Variants in CAST observed in about 807,000 individuals in gnomAD.
The protein encoded by CAST is calpastatin.
A neutral mutation model predicts 119.6 loss-of-function variants in CAST; 76 were observed. That is an observed-to-expected ratio of 0.64 (90% CI 0.53 to 0.77). The LOEUF (loss-of-function observed/expected upper bound fraction) is 0.77. CAST is among the 30% of genes least tolerant of loss of function. CAST has a pLI of 0.00. For synonymous variants in CAST, 319 were observed against 331.6 expected (o/e 0.96, Z 0.41); for missense variants, 953 against 946.5 (o/e 1.01, Z -0.09).
At chr5:96,504,544 TAAC>T in the CAST span, among the ~76,000 whole-genome samples, 1 of 151,304 alleles carries the variant, frequency 6.6e-6, no homozygotes, top group African/African-American at 2.4e-5. Context: ...TTTTTTAACC[TAAC>T]GTGTTTTTTT....
chr5:96,703,382 C>T (rs1228654493), intron 3 of CAST, among the ~76,000 whole-genome samples: 1 of 152,232 alleles, frequency 6.6e-6, no homozygotes, highest in African/African-American at 2.4e-5. Context: ...CGTGAGCTCA[C>T]TCTGACCTTT....
the CAST span, among the ~76,000 whole-genome samples, chr5:96,366,022 G>A: frequency 6.6e-6 from 1 of 152,196 alleles, no homozygotes; most frequent in African/African-American, 2.4e-5. Flanking sequence ...GGGCAGGCCT[G>A]TTGGTGACAA....
chr5:96,188,301 A>G, the CAST span, among the ~76,000 whole-genome samples: 1 of 152,126 alleles, frequency 6.6e-6, no homozygotes, highest in East Asian at 1.9e-4. Flanking sequence ...CCTGAGTTAA[A>G]ATCATTTTTA....
At chr5:96,282,717 G>T in the CAST span, among the ~76,000 whole-genome samples, 1 of 152,070 alleles carries the variant, frequency 6.6e-6, no homozygotes, top group Admixed American at 6.5e-5. Flanking sequence ...TCATTGTGGG[G>T]TTATCATAAT....
the CAST span, among the ~76,000 whole-genome samples, chr5:96,277,464 A>T: frequency 6.6e-6 from 1 of 152,008 alleles, no homozygotes; most frequent in Non-Finnish European, 1.5e-5. Context: ...CTTATTGGTC[A>T]CTGAGATCTC....
the CAST span, among the ~76,000 whole-genome samples, chr5:95,985,043 G>A: frequency 2.0e-5 from 3 of 151,938 alleles, no homozygotes; most frequent in Admixed American, 6.6e-5. Flanking sequence ...CAGACATAGT[G>A]GCTCACATCC....
At chr5:96,736,514 CAA>C (rs973888124) in intron 10 of CAST, among the ~76,000 whole-genome samples, 49 of 152,170 alleles carry the variant, frequency 3.2e-4, no homozygotes, top group Admixed American at 4.6e-4. Context: ...TTCTCTCCTG[CAA>C]ATACACTTTA....
chr5:96,297,386 C>T, the CAST span, among the ~76,000 whole-genome samples: 1 of 152,162 alleles, frequency 6.6e-6, no homozygotes, highest in African/African-American at 2.4e-5. Context: ...TAAGGTTTTC[C>T]TCCATATCCA....
At chr5:96,197,733 A>G in the CAST span, among the ~76,000 whole-genome samples, 4 of 152,142 alleles carry the variant, frequency 2.6e-5, no homozygotes. Flanking sequence ...ACATTAAGTA[A>G]TTGGCTCCAG....
At chr5:96,045,064 T>C in the CAST span, among the ~76,000 whole-genome samples, 5 of 152,124 alleles carry the variant, frequency 3.3e-5, no homozygotes, top group African/African-American at 1.2e-4. Flanking sequence ...TGAAAATTCA[T>C]AGAGCTGGCC....
chr5:96,502,406 CT>C, the CAST span, among the ~76,000 whole-genome samples: 1 of 151,574 alleles, frequency 6.6e-6, no homozygotes, highest in African/African-American at 2.4e-5. Flanking sequence ...AGCAGTATTT[CT>C]TTTTTAATTA....
chr5:96,155,743 C>G, the CAST span, among the ~76,000 whole-genome samples: 1 of 152,200 alleles, frequency 6.6e-6, no homozygotes, highest in Non-Finnish European at 1.5e-5. Flanking sequence ...TCTCCCTTCT[C>G]CCCTCCCAGC....
At chr5:96,010,134 T>A in the CAST span, among the ~76,000 whole-genome samples, 140 of 152,154 alleles carry the variant, frequency 9.2e-4, no homozygotes, top group Non-Finnish European at 1.5e-5. Flanking sequence ...AGTTTTCTAT[T>A]TTATTTCATT....
At chr5:96,251,111 C>G in the CAST span, among the ~76,000 whole-genome samples, 1,135 of 152,250 alleles carry the variant, frequency 7.5e-3, 9 homozygotes, top group Middle Eastern at 0.017. Context: ...TAATATTTAC[C>G]AAGGGTCCTT....
chr5:96,074,099 T>A, the CAST span, among the ~76,000 whole-genome samples: 1 of 152,190 alleles, frequency 6.6e-6, no homozygotes, highest in Non-Finnish European at 1.5e-5. Context: ...CTGGAACTAA[T>A]TCTTTCTAGT....
the CAST span, chr5:96,421,853 A>G: frequency 2.2e-5 from 27 of 1,203,948 alleles, no homozygotes; most frequent in South Asian, 2.8e-4. Flanking sequence ...AAAGTACTTT[A>G]TTTCACACAA....
the CAST span, among the ~76,000 whole-genome samples, chr5:96,135,362 G>A: frequency 6.6e-6 from 1 of 152,136 alleles, no homozygotes; most frequent in Non-Finnish European, 1.5e-5. Context: ...TAGTTTCAAA[G>A]TTTATTTTGG....
chr5:96,665,765 C>T (rs1749252342), intron 1 of CAST, among the ~76,000 whole-genome samples: 1 of 151,126 alleles, frequency 6.6e-6, no homozygotes, highest in South Asian at 2.1e-4. Flanking sequence ...CACACATATA[C>T]ATACACACAT....
intron 1 of CAST, among the ~76,000 whole-genome samples, chr5:96,559,097 T>A (rs995830709): frequency 3.3e-5 from 5 of 152,044 alleles, no homozygotes; most frequent in African/African-American, 4.8e-5. Context: ...ACAGAACCAA[T>A]GACAAAAGCC....
Sources: gnomAD v4.1 joint callset for allele counts (sites outside exome capture counted in the v4.1 genomes callset) on GRCh38, gnomAD v4.1.1 for gene constraint, MANE v1.5 for transcripts, NCBI Gene and HGNC (gene_info 2026-07-23, HGNC 2026-07-21) for gene names.